The following OR9Q1 variants were observed in gnomAD, a reference collection of about 807,000 sequenced individuals.
The protein encoded by OR9Q1 is olfactory receptor family 9 subfamily Q member 1.
For missense variants in OR9Q1, 374 were observed against 378.8 expected, an observed-to-expected ratio of 0.99 and a Z score of 0.11; for synonymous variants, 153 against 148.6, an observed-to-expected ratio of 1.03 and a Z score of -0.22.
chr11:58,126,809 T>A (rs1378925729), intron 2 of OR9Q1, among the ~76,000 whole-genome samples: 1 of 152,124 alleles, frequency 6.6e-6, no homozygotes, highest in Non-Finnish European at 1.5e-5. Flanking sequence ...ATAAGAATAT[T>A]CCATTCAACA....
chr11:58,031,383 C>T, intron 1 of OR9Q1: 2 of 1,614,202 alleles, frequency 1.2e-6, no homozygotes, highest in Non-Finnish European at 1.7e-6. Flanking sequence ...TCCTGGGGCA[C>T]CTGCATCCGT....
intron 2 of OR9Q1, among the ~76,000 whole-genome samples, chr11:58,130,482 C>A (rs1228368600): frequency 1.3e-5 from 2 of 152,044 alleles, no homozygotes; most frequent in African/African-American, 2.4e-5. Flanking sequence ...CACATGAAGG[C>A]CCTTAAAAAT....
Position 58,179,642 on chromosome 11 carries a change from C to G in OR9Q1, c.198C>G (p.Leu66=), listed in dbSNP as rs767214763. Residue 66 remains leucine, a synonymous_variant, in exon 3 of 3, where the codon CTC becomes CTG. Transcript: ENST00000335397. ...HAPMYFLLSH[L]AFMDVCYSSI... ...CAATGTATTTCCTTCTGAGTCACCTCGCTTTCATGGACGTCTGCTACTCAT... is the reference window on the plus strand; with the variant it reads ...CAATGTATTTCCTTCTGAGTCACCTGGCTTTCATGGACGTCTGCTACTCAT... 3 of 1,613,114 alleles carry G rather than the reference C, an allele frequency of 1.9e-6. No homozygotes were observed. Among genetic ancestry groups the G allele is most frequent in the Non-Finnish European group, 2.5e-6 (3 of 1,179,278 alleles).
At chr11:58,094,341 A>G (rs1010117002) in intron 2 of OR9Q1, among the ~76,000 whole-genome samples, 7 of 152,172 alleles carry the variant, frequency 4.6e-5, no homozygotes, top group Admixed American at 2.6e-4. Context: ...CTTAGTACAA[A>G]TTATTCAGGT....
intron 2 of OR9Q1, among the ~76,000 whole-genome samples, chr11:58,157,429 A>G (rs1447132235): frequency 2.0e-5 from 3 of 152,124 alleles, no homozygotes; most frequent in Non-Finnish European, 4.4e-5. Context: ...TATTTCCCCA[A>G]TCGGATTGTA....
intron 2 of OR9Q1, among the ~76,000 whole-genome samples, chr11:58,061,957 A>G (rs879269502): frequency 3.9e-5 from 6 of 152,294 alleles, no homozygotes; most frequent in East Asian, 1.9e-4. Flanking sequence ...TGCCAATCTC[A>G]AAGATCTCCT....
At chr11:58,034,779 C>CCTTCCTTCTTCCT (rs1853081747) in intron 1 of OR9Q1, among the ~76,000 whole-genome samples, 1 of 15,760 alleles carries the variant, frequency 6.3e-5, no homozygotes, top group East Asian at 4.5e-3. Flanking sequence ...TCTTCCTTCC[C>CCTTCCTTCTTCCT]TCCCTCCTTT....
intron 2 of OR9Q1, among the ~76,000 whole-genome samples, chr11:58,060,411 G>A: frequency 6.6e-6 from 1 of 152,306 alleles, no homozygotes; most frequent in African/African-American, 2.4e-5. Context: ...TCTAATATCA[G>A]GGGATGGGTA....
At chr11:58,112,299 A>T (rs1270823126) in intron 2 of OR9Q1, among the ~76,000 whole-genome samples, 2 of 152,180 alleles carry the variant, frequency 1.3e-5, no homozygotes, top group Admixed American at 1.3e-4. Context: ...TCTCAAAGAA[A>T]AAAAAAAAGA....
intron 2 of OR9Q1, among the ~76,000 whole-genome samples, chr11:58,134,357 A>G (rs1267057803): frequency 1.3e-5 from 2 of 152,082 alleles, no homozygotes; most frequent in Non-Finnish European, 2.9e-5. Flanking sequence ...GCTGTAGGAG[A>G]CCTAGGCTCT....
chr11:58,063,078 T>C (rs1051692412), intron 2 of OR9Q1, among the ~76,000 whole-genome samples: 1 of 152,214 alleles, frequency 6.6e-6, no homozygotes, highest in Non-Finnish European at 1.5e-5. Flanking sequence ...CTGGTGGTGG[T>C]GTGCTCAGTA....
At chr11:58,115,116 A>C (rs1264824057) in intron 2 of OR9Q1, among the ~76,000 whole-genome samples, 1 of 152,206 alleles carries the variant, frequency 6.6e-6, no homozygotes, top group Non-Finnish European at 1.5e-5. Context: ...TTTGACATAA[A>C]GAAAAGCTGC....
In OR9Q1 at chr11:58,161,251, AAAAAG is replaced by A. The variant is rs548947389; in HGVS notation, c.-14-18173_-14-18169del. ...AGAACGTAAAGTATAAAAAAAAAAAAAAAAGAAAAGAGTTATATATGTGACTGAAC... is the reference window on the plus strand; with the variant it reads ...AGAACGTAAAGTATAAAAAAAAAAAAAAAAGAGTTATATATGTGACTGAAC... On this transcript the variant is annotated intron_variant, in intron 2 of 2. Coordinates refer to ENST00000335397, the MANE Select transcript of OR9Q1 (RefSeq NM_001005212.4). Among the ~76,000 whole-genome samples, 675 of 152,150 alleles carry A rather than the reference AAAAAG, an allele frequency of 4.4e-3. 5 individuals are homozygous for A. Among genetic ancestry groups the A allele is most frequent in the African/African-American group, 0.016 (645 of 41,520 alleles).
chr11:58,121,280 T>G (rs1854029760), intron 2 of OR9Q1, among the ~76,000 whole-genome samples: 1 of 152,192 alleles, frequency 6.6e-6, no homozygotes, highest in Non-Finnish European at 1.5e-5. Context: ...CAGATTTGAG[T>G]CACCTCGTAA....
At chr11:58,083,117 G>A (rs1853604913) in intron 2 of OR9Q1, among the ~76,000 whole-genome samples, 1 of 152,002 alleles carries the variant, frequency 6.6e-6, no homozygotes, top group Admixed American at 6.6e-5. Flanking sequence ...GTATCGCCTA[G>A]GTTTTCTTCT....
chr11:58,164,053 G>T (rs1276372672), intron 2 of OR9Q1, among the ~76,000 whole-genome samples: 1 of 152,140 alleles, frequency 6.6e-6, no homozygotes, highest in Non-Finnish European at 1.5e-5. Flanking sequence ...CCACGGATTG[G>T]CTATGACAGT....
At chr11:58,107,573 C>T (rs931208906) in intron 2 of OR9Q1, among the ~76,000 whole-genome samples, 6 of 152,110 alleles carry the variant, frequency 3.9e-5, no homozygotes, top group South Asian at 4.1e-4. Context: ...AATAAACTTA[C>T]GTGTGCACGT....
At chr11:58,070,697 C>G (rs932872555) in intron 2 of OR9Q1, among the ~76,000 whole-genome samples, 1 of 152,220 alleles carries the variant, frequency 6.6e-6, no homozygotes, top group African/African-American at 2.4e-5. Flanking sequence ...ATCTCTTGCC[C>G]TGTACAGGCA....
chr11:58,166,792 C>A (rs140088307), intron 2 of OR9Q1, among the ~76,000 whole-genome samples: 8 of 152,288 alleles, frequency 5.3e-5, no homozygotes, highest in Admixed American at 2.6e-4. Flanking sequence ...ATATTCTTTT[C>A]ATGCTCTGAG....
Sources: allele counts gnomAD v4.1 joint callset (sites outside exome capture counted in the v4.1 genomes callset), GRCh38; gene constraint gnomAD v4.1.1; transcripts MANE v1.5; gene names NCBI Gene and HGNC (gene_info 2026-07-23, HGNC 2026-07-21).